The following GALNT13 variants were observed in gnomAD, a reference collection of about 807,000 sequenced individuals.
GALNT13 encodes the protein UDP-GalNAc:polypeptide N-acetylgalactosaminyltransferase 13.
Under a neutral mutation model 64.2 loss-of-function variants are expected in GALNT13, and 28 were observed. The observed-to-expected ratio is 0.44, with a 90% confidence interval of 0.32 to 0.60. The LOEUF (loss-of-function observed/expected upper bound fraction) is 0.60. Ranked by LOEUF, GALNT13 falls within the 20% of genes least tolerant of loss-of-function variation. GALNT13 has a pLI of 0.05. For missense variants in GALNT13, 577 were observed against 669.8 expected (o/e 0.86, Z 1.53); for synonymous variants, 214 against 224.6 (o/e 0.95, Z 0.42).
the GALNT13 span, among the ~76,000 whole-genome samples, chr2:153,348,800 A>G: frequency 2.0e-5 from 3 of 152,200 alleles, no homozygotes; most frequent in Non-Finnish European, 4.4e-5. Flanking sequence ...TACAGCTAAA[A>G]GCATTGGGAT....
At chr2:153,785,047 T>C in the GALNT13 span, among the ~76,000 whole-genome samples, 1 of 152,104 alleles carries the variant, frequency 6.6e-6, no homozygotes, top group African/African-American at 2.4e-5. Context: ...ACCACCCTCA[T>C]CAATTTTTTC....
chr2:153,245,614 C>A, the GALNT13 span, among the ~76,000 whole-genome samples: 1 of 152,022 alleles, frequency 6.6e-6, no homozygotes, highest in Non-Finnish European at 1.5e-5. Context: ...ACCTCCCCCC[C>A]TCCCAACACA....
chr2:153,836,771 C>T, the GALNT13 span, among the ~76,000 whole-genome samples: 23 of 149,594 alleles, frequency 1.5e-4, no homozygotes, highest in South Asian at 4.9e-3. Flanking sequence ...GGTTTTTTGT[C>T]CTTGCGATAG....
intron 3 of GALNT13, among the ~76,000 whole-genome samples, chr2:154,000,941 T>C (rs552986287): frequency 6.6e-6 from 1 of 152,124 alleles, no homozygotes; most frequent in East Asian, 1.9e-4. Context: ...TTTAGGTCTA[T>C]GTGTATTTGC....
chr2:153,146,171 GTT>G, the GALNT13 span, among the ~76,000 whole-genome samples: 1 of 139,446 alleles, frequency 7.2e-6, no homozygotes, highest in Non-Finnish European at 1.6e-5. Context: ...TTTATGGAGG[GTT>G]TTTTTTTTTT....
the GALNT13 span, among the ~76,000 whole-genome samples, chr2:153,205,125 T>C: frequency 6.6e-6 from 1 of 151,964 alleles, no homozygotes; most frequent in South Asian, 2.1e-4. Flanking sequence ...AAATTTTTAC[T>C]GAACAAACTT....
At chr2:153,439,858 T>A in the GALNT13 span, among the ~76,000 whole-genome samples, 1 of 152,190 alleles carries the variant, frequency 6.6e-6, no homozygotes, top group Non-Finnish European at 1.5e-5. Flanking sequence ...CCCAGTGAGA[T>A]GAACCCGGTA....
intron 3 of GALNT13, among the ~76,000 whole-genome samples, chr2:154,039,217 T>C (rs1312835430): frequency 6.6e-6 from 1 of 151,950 alleles, no homozygotes; most frequent in African/African-American, 2.4e-5. Flanking sequence ...TCAAAAAAAC[T>C]AAAAATAGAA....
intron 4 of GALNT13, among the ~76,000 whole-genome samples, chr2:154,143,632 G>C (rs77477754): frequency 0.02 from 3,089 of 151,224 alleles, 120 homozygotes; most frequent in African/African-American, 0.072. Context: ...AGGCTGAGGC[G>C]GGCAGATCAC....
chr2:154,126,578 T>A (rs766002079), intron 3 of GALNT13, among the ~76,000 whole-genome samples: 4 of 147,338 alleles, frequency 2.7e-5, no homozygotes, highest in Non-Finnish European at 4.4e-5. Flanking sequence ...GAGCTTGCAG[T>A]GAGCCGAGAT....
intron 11 of GALNT13, among the ~76,000 whole-genome samples, chr2:154,421,976 AATGG>A (rs1438117888): frequency 6.6e-6 from 1 of 152,100 alleles, no homozygotes; most frequent in Admixed American, 6.6e-5. Context: ...TAAGGACAGG[AATGG>A]GTCTAAAAGA....
the GALNT13 span, among the ~76,000 whole-genome samples, chr2:153,773,401 A>G: frequency 1.3e-5 from 2 of 152,204 alleles, no homozygotes; most frequent in African/African-American, 4.8e-5. Flanking sequence ...TTCATTTATC[A>G]AACTAATTCT....
intron 4 of GALNT13, among the ~76,000 whole-genome samples, chr2:154,204,843 CT>C (rs1687354290): frequency 6.6e-6 from 1 of 152,200 alleles, no homozygotes; most frequent in South Asian, 2.1e-4. Flanking sequence ...TTGAAGTTCA[CT>C]TCAAGTGTCA....
the GALNT13 span, among the ~76,000 whole-genome samples, chr2:153,693,833 G>A: frequency 2.0e-5 from 3 of 152,118 alleles, no homozygotes; most frequent in South Asian, 2.1e-4. Context: ...TAAAGCAATC[G>A]GCTGGGCGCG....
the GALNT13 span, among the ~76,000 whole-genome samples, chr2:153,618,246 T>A: frequency 6.6e-6 from 1 of 151,886 alleles, no homozygotes; most frequent in East Asian, 1.9e-4. Context: ...GTTTCAGGAA[T>A]TTTTCAGTTT....
At chr2:154,265,688 A>G (rs1690957711) in intron 8 of GALNT13, among the ~76,000 whole-genome samples, 1 of 152,164 alleles carries the variant, frequency 6.6e-6, no homozygotes, top group South Asian at 2.1e-4. Context: ...AAGAAGAGCA[A>G]AACTCTGTCT....
chr2:153,268,955 A>T, the GALNT13 span, among the ~76,000 whole-genome samples: 6 of 152,138 alleles, frequency 3.9e-5, no homozygotes, highest in African/African-American at 1.4e-4. Context: ...ACATGGAATC[A>T]TTTATTCCTC....
chr2:153,143,073 G>T, the GALNT13 span, among the ~76,000 whole-genome samples: 73 of 152,002 alleles, frequency 4.8e-4, no homozygotes, highest in African/African-American at 1.7e-3. Context: ...GAAATCATTG[G>T]TGCCTGAAAA....
chr2:153,609,293 A>G, the GALNT13 span, among the ~76,000 whole-genome samples: 1 of 151,956 alleles, frequency 6.6e-6, no homozygotes, highest in Admixed American at 6.6e-5. Flanking sequence ...ATCAACCTCT[A>G]CCTTTTTCTG....
Sources: allele counts gnomAD v4.1 joint callset (sites outside exome capture counted in the v4.1 genomes callset), GRCh38; gene constraint gnomAD v4.1.1; transcripts MANE v1.5; gene names NCBI Gene and HGNC (gene_info 2026-07-23, HGNC 2026-07-21).